The following COL24A1 variants were observed in gnomAD, a reference collection of about 807,000 sequenced individuals.
COL24A1 encodes the protein collagen alpha-1(XXIV) chain.
A neutral mutation model predicts 253.9 loss-of-function variants in COL24A1; 224 were observed. The ratio of observed to expected loss-of-function variants is 0.88; its 90% CI spans 0.79 to 0.99. The LOEUF (loss-of-function observed/expected upper bound fraction) is 0.99. COL24A1 is among the 50% of genes least tolerant of loss of function. The pLI is 0.00. For synonymous variants in COL24A1, 685 were observed against 673.7 expected, an observed-to-expected ratio of 1.02 and a Z score of -0.26; for missense variants, 2,131 against 2,068.5, an observed-to-expected ratio of 1.03 and a Z score of -0.59.
intron 7 of COL24A1, among the ~76,000 whole-genome samples, chr1:86,068,199 A>G (rs1701628917): frequency 6.6e-6 from 1 of 152,230 alleles, no homozygotes; most frequent in South Asian, 2.1e-4. Flanking sequence ...AAATCAGGTG[A>G]GCAAGAGCAA....
At chr1:85,871,198 A>G (rs543305643) in intron 35 of COL24A1, among the ~76,000 whole-genome samples, 104 of 152,298 alleles carry the variant, frequency 6.8e-4, no homozygotes, top group Middle Eastern at 3.4e-3. Context: ...AATTGAGTCA[A>G]TAATTAATAG....
chr1:85,755,957 A>T (rs1666204387), intron 55 of COL24A1, among the ~76,000 whole-genome samples: 1 of 150,884 alleles, frequency 6.6e-6, no homozygotes, highest in Admixed American at 6.6e-5. Context: ...AGAGAGTGAA[A>T]AGGCAACCCA....
chr1:85,875,716 GACACACAC>G (rs141827930), intron 33 of COL24A1, among the ~76,000 whole-genome samples: 2,031 of 141,050 alleles, frequency 0.014, 27 homozygotes, highest in South Asian at 0.031. Context: ...CATTATAAAA[GACACACAC>G]ACACACACAC....
chr1:85,763,489 TTTC>T (rs1440134550), intron 53 of COL24A1, among the ~76,000 whole-genome samples: 1 of 112,772 alleles, frequency 8.9e-6, no homozygotes, highest in Non-Finnish European at 2.1e-5. Context: ...TTTCTTTTAC[TTTC>T]TTTTTTTTTT....
At chr1:85,877,051 T>C (rs1681256992) in intron 33 of COL24A1, 71 bp downstream of exon 33, 1 of 1,052,704 alleles carries the variant, frequency 9.5e-7, no homozygotes, top group African/African-American at 1.6e-5. Context: ...TATATTTAAT[T>C]ATTAATTTTA....
chr1:86,137,502 T>C (rs544064452), intron 2 of COL24A1, among the ~76,000 whole-genome samples: 1 of 152,302 alleles, frequency 6.6e-6, no homozygotes, highest in South Asian at 2.1e-4. Flanking sequence ...AGAATTTGCA[T>C]GCAGGTCATC....
intron 48 of COL24A1, among the ~76,000 whole-genome samples, chr1:85,785,179 A>G (rs746795463): frequency 1.5e-4 from 23 of 152,238 alleles, no homozygotes; most frequent in Admixed American, 2.6e-4. Context: ...CATCAATAAA[A>G]AATTTCCATT....
At chr1:85,872,388 A>T (rs1274705653) in intron 35 of COL24A1, among the ~76,000 whole-genome samples, 1 of 152,160 alleles carries the variant, frequency 6.6e-6, no homozygotes, top group African/African-American at 2.4e-5. Flanking sequence ...CATTACCAAG[A>T]CAATCCTAAG....
chr1:85,771,157 G>A (rs1667916445), intron 53 of COL24A1, among the ~76,000 whole-genome samples: 1 of 151,986 alleles, frequency 6.6e-6, no homozygotes, highest in Admixed American at 6.6e-5. Flanking sequence ...GAACGTGCAG[G>A]TTTGTTGCAT....
At chr1:85,870,867 T>C (rs894280673) in intron 35 of COL24A1, among the ~76,000 whole-genome samples, 6 of 151,820 alleles carry the variant, frequency 4.0e-5, no homozygotes, top group Non-Finnish European at 5.9e-5. Flanking sequence ...CTGAAGGAGA[T>C]AGAGACAGAA....
intron 53 of COL24A1, among the ~76,000 whole-genome samples, chr1:85,762,503 A>G (rs1296684942): frequency 6.6e-6 from 1 of 152,202 alleles, no homozygotes; most frequent in Non-Finnish European, 1.5e-5. Context: ...TAAATGAATG[A>G]ATGATGTTAA....
At chr1:85,896,196 T>A in intron 29 of COL24A1, 131 bp from the exon 30 acceptor site, 1 of 1,185,440 alleles carries the variant, frequency 8.4e-7, no homozygotes, top group East Asian at 2.4e-5. Flanking sequence ...AAAGAAAACA[T>A]CTCTGCCTGT....
At chr1:85,836,206 T>C (rs1465091406) in intron 43 of COL24A1, among the ~76,000 whole-genome samples, 1 of 152,214 alleles carries the variant, frequency 6.6e-6, no homozygotes, top group East Asian at 1.9e-4. Flanking sequence ...CCGTGTTACG[T>C]ATAATTTATA....
intron 43 of COL24A1, among the ~76,000 whole-genome samples, chr1:85,825,126 A>T (rs1203672927): frequency 8.2e-6 from 1 of 122,014 alleles, no homozygotes; most frequent in African/African-American, 3.2e-5. Flanking sequence ...TCCTGTGTCC[A>T]TGTGTTCTCA....
In COL24A1 at chr1:86,063,738, G is replaced by A. The variant is rs751926607; in HGVS notation, c.1729C>T (p.Leu577Phe). The part of the protein sequence containing the change: ...GDKGLKGHPG[L>F]PGLPGEQGIP... ...ACTTGTTCACCTGGAAGTCCTGGGA[G>A]TCCAGGATGTCCTTTGAGACCCTGT... The change falls in exon 8 of 60, where the codon CTC (leucine) becomes TTC (phenylalanine). Residue 577 changes from leucine to phenylalanine, a missense_variant. Transcript: ENST00000370571. 3.2e-6 allele frequency: 5 copies of A among 1,552,044 alleles called. No individual in the cohort carries two copies. The highest frequency in any genetic ancestry group is 4.4e-6 in the Non-Finnish European group (5 of 1,148,506).
intron 19 of COL24A1, among the ~76,000 whole-genome samples, chr1:85,987,941 A>T (rs1192011210): frequency 6.6e-6 from 1 of 151,920 alleles, no homozygotes; most frequent in Non-Finnish European, 1.5e-5. Flanking sequence ...CACAATGTGG[A>T]AATAAGGCAA....
In COL24A1 at chr1:85,761,556, C is replaced by T. The variant is rs779893994; in HGVS notation, c.4385G>A (p.Gly1462Glu). The change falls in exon 54 of 60, where the codon GGA becomes GAA. Residue 1462 changes from glycine to glutamate, a missense_variant. By Grantham distance (98) the Gly-to-Glu change is moderately conservative (BLOSUM62 -2). Coordinates refer to ENST00000370571, the MANE Select transcript of COL24A1 (RefSeq NM_152890.7). ...KGFRGETGPQGPRGQPGPPGP... is the reference protein window; with the variant it reads ...KGFRGETGPQEPRGQPGPPGP... Reference sequence around the variant, plus strand: ...TGGAGGCCCTGGTTGACCTCTTGGTCCTTGAGGACCCTGGAAGAAATGGAG... The same window carrying T: ...TGGAGGCCCTGGTTGACCTCTTGGTTCTTGAGGACCCTGGAAGAAATGGAG... 1.2e-6 allele frequency: 2 copies of T among 1,614,018 alleles called. No individual in the cohort carries two copies. Among genetic ancestry groups the T allele is most frequent in the East Asian group, 4.5e-5 (2 of 44,860 alleles).
rs1204640322 is a variant in COL24A1 at position 85,730,560 on chromosome 1, C to G, written c.5131G>C (p.Val1711Leu). ...ATTCAGAGACTTTACAGAAAGCATA[C>G]AGAACTGCTGTCAATGTAATACTTT... is the stretch of plus-strand genomic sequence containing the variant. ...ERKYYIDSSS[V>L]CFL The change falls in exon 60 of 60, where the codon GTA (valine) becomes CTA (leucine). Residue 1711 changes from valine (V) to leucine (L), a missense_variant. Physicochemically the swap from Val to Leu is conservative, Grantham distance 32 (BLOSUM62 1). Coordinates refer to ENST00000370571, the MANE Select transcript of COL24A1 (RefSeq NM_152890.7). The G allele has an allele frequency of 1.2e-6, 2 of 1,613,818 alleles. No homozygotes were observed. The highest frequency in any genetic ancestry group is 1.1e-5 in the South Asian group (1 of 91,044).
intron 32 of COL24A1, among the ~76,000 whole-genome samples, chr1:85,880,786 A>G (rs1442060948): frequency 2.0e-5 from 3 of 151,522 alleles, no homozygotes; most frequent in Non-Finnish European, 4.4e-5. Flanking sequence ...ATCTTTTCAT[A>G]TTACATTTTC....
Sources: allele counts gnomAD v4.1 joint callset (sites outside exome capture counted in the v4.1 genomes callset), GRCh38; gene constraint gnomAD v4.1.1; transcripts MANE v1.5; gene names NCBI Gene and HGNC (gene_info 2026-07-23, HGNC 2026-07-21).